NMNAT2: variants seen among roughly 807,000 people sequenced by gnomAD.
The protein encoded by NMNAT2 is nicotinamide nucleotide adenylyltransferase 2.
In NMNAT2, 11 loss-of-function variants were observed where a neutral mutation model predicts 41.6. That is an observed-to-expected ratio of 0.26 (90% CI 0.17 to 0.44). The LOEUF is 0.44. Among genes scored for constraint, NMNAT2 ranks in the 20% least tolerant of loss-of-function variants. The pLI is 1.00. For missense variants in NMNAT2, 288 were observed against 407.7 expected (o/e 0.71, Z 2.53); for synonymous variants, 148 against 151.2 (o/e 0.98, Z 0.16).
intron 1 of NMNAT2, among the ~76,000 whole-genome samples, chr1:183,411,553 T>C (rs978289149): frequency 2.6e-5 from 4 of 151,710 alleles, no homozygotes; most frequent in African/African-American, 7.3e-5. Context: ...ATCTGCTTGC[T>C]TCAGCCTCCC....
rs1270960626 is a variant in NMNAT2 at position 183,250,545 on chromosome 1, G to A, written c.*2096C>T. On this transcript the variant is annotated 3_prime_UTR_variant, in exon 11 of 11. Coordinates refer to ENST00000287713, the MANE Select transcript of NMNAT2 (RefSeq NM_015039.4). ...ATGGAGGGTGTGGTGTGACGGCCTA[G>A]GGGTCAGGGAAACAATATGTTCTTG... is the stretch of plus-strand genomic sequence containing the variant. 6.6e-6 allele frequency: 1 copy of A among 152,658 alleles called. No homozygotes were observed. The highest frequency in any genetic ancestry group is 1.5e-5 in the Non-Finnish European group (1 of 68,076). The allele number at this position is 152,658 out of a possible 1,614,324, so 9.5% of individuals were successfully genotyped here.
intron 1 of NMNAT2, among the ~76,000 whole-genome samples, chr1:183,354,360 G>C (rs1002878311): frequency 2.7e-5 from 4 of 149,130 alleles, no homozygotes; most frequent in Non-Finnish European, 5.9e-5. Context: ...CATCGTATCT[G>C]TCCTGCTGTT....
chr1:183,334,658 CA>C (rs1413530098), intron 1 of NMNAT2, among the ~76,000 whole-genome samples: 1 of 151,932 alleles, frequency 6.6e-6, no homozygotes, highest in Admixed American at 6.6e-5. Context: ...TACAGGCACC[CA>C]CCACCAAGCC....
intron 1 of NMNAT2, among the ~76,000 whole-genome samples, chr1:183,326,877 G>T (rs966066954): frequency 2.0e-5 from 3 of 152,068 alleles, no homozygotes; most frequent in African/African-American, 7.2e-5. Context: ...GTTAAAGAAG[G>T]GACTAGATAA....
chr1:183,287,955 G>T (rs748883693), intron 4 of NMNAT2, among the ~76,000 whole-genome samples: 2 of 152,130 alleles, frequency 1.3e-5, no homozygotes, highest in African/African-American at 4.8e-5. Flanking sequence ...ATAGGAGGAG[G>T]TCACATCTGA....
intron 1 of NMNAT2, among the ~76,000 whole-genome samples, chr1:183,341,687 AG>A (rs35490579): frequency 0.66 from 71,343 of 107,876 alleles, 24,201 homozygotes; most frequent in East Asian, 0.88. Context: ...AAAAAAAAAA[AG>A]AGAGAGAGAG....
At chr1:183,267,790 G>C (rs910981756) in intron 8 of NMNAT2, among the ~76,000 whole-genome samples, 1 of 152,084 alleles carries the variant, frequency 6.6e-6, no homozygotes, top group African/African-American at 2.4e-5. Flanking sequence ...CTTGGGGGTG[G>C]AGAGGTGGGG....
chr1:183,403,506 A>C (rs1324497161), intron 1 of NMNAT2, among the ~76,000 whole-genome samples: 1 of 148,212 alleles, frequency 6.7e-6, no homozygotes. Flanking sequence ...CACTCGGGAG[A>C]CTGTCCTTAC....
intron 1 of NMNAT2, among the ~76,000 whole-genome samples, chr1:183,301,530 C>A (rs992144709): frequency 2.6e-5 from 4 of 152,252 alleles, no homozygotes; most frequent in Non-Finnish European, 5.9e-5. Flanking sequence ...TAACATTAGA[C>A]ATGCAAGTCA....
intron 1 of NMNAT2, among the ~76,000 whole-genome samples, chr1:183,304,422 G>C (rs980509017): frequency 6.6e-6 from 1 of 152,188 alleles, no homozygotes; most frequent in African/African-American, 2.4e-5. Flanking sequence ...CCAAGGGGAT[G>C]ATAGGTTACC....
At chr1:183,314,351 G>A (rs562526489) in intron 1 of NMNAT2, among the ~76,000 whole-genome samples, 33 of 152,156 alleles carry the variant, frequency 2.2e-4, no homozygotes, top group African/African-American at 7.2e-4. Flanking sequence ...AATCCAACTT[G>A]CCATGCCACC....
intron 1 of NMNAT2, among the ~76,000 whole-genome samples, chr1:183,375,997 G>A (rs1295327440): frequency 1.2e-5 from 1 of 86,552 alleles, no homozygotes; most frequent in African/African-American, 3.8e-5. Flanking sequence ...CACTCAAAGT[G>A]GTCACTCACT....
At chr1:183,291,254 A>C (rs1184450641) in intron 3 of NMNAT2, among the ~76,000 whole-genome samples, 1 of 151,748 alleles carries the variant, frequency 6.6e-6, no homozygotes, top group Non-Finnish European at 1.5e-5. Flanking sequence ...CATCCCCTTA[A>C]CACCACCACC....
chr1:183,341,524 A>T (rs1023381455), intron 1 of NMNAT2, among the ~76,000 whole-genome samples: 1 of 13,562 alleles, frequency 7.4e-5, no homozygotes, highest in Non-Finnish European at 1.6e-4. Context: ...CAAAAAATGC[A>T]AAAAAAAAAA....
At chr1:183,380,488 C>T (rs1260636136) in intron 1 of NMNAT2, among the ~76,000 whole-genome samples, 2 of 151,996 alleles carry the variant, frequency 1.3e-5, no homozygotes, top group Non-Finnish European at 2.9e-5. Flanking sequence ...CATATAAAGG[C>T]AATTTTGAAA....
At chr1:183,397,988 A>G (rs939979456) in intron 1 of NMNAT2, among the ~76,000 whole-genome samples, 2 of 152,248 alleles carry the variant, frequency 1.3e-5, no homozygotes, top group African/African-American at 2.4e-5. Flanking sequence ...GATGCTAGGA[A>G]GAAACTGCAT....
chr1:183,319,588 A>C (rs1662319218), intron 1 of NMNAT2, among the ~76,000 whole-genome samples: 1 of 152,174 alleles, frequency 6.6e-6, no homozygotes. Context: ...TGCCATGGTG[A>C]CAGTGCCATC....
chr1:183,336,062 A>G (rs1212318135), intron 1 of NMNAT2, among the ~76,000 whole-genome samples: 1 of 152,224 alleles, frequency 6.6e-6, no homozygotes, highest in Non-Finnish European at 1.5e-5. Flanking sequence ...TTCTTCTCAT[A>G]CCAACTTTAT....
chr1:183,303,271 G>A (rs1661911059), intron 1 of NMNAT2, among the ~76,000 whole-genome samples: 2 of 152,176 alleles, frequency 1.3e-5, no homozygotes, highest in African/African-American at 2.4e-5. Flanking sequence ...GGAAGAATTA[G>A]GCCAAATTAG....
Sources: allele counts gnomAD v4.1 joint callset (sites outside exome capture counted in the v4.1 genomes callset), GRCh38; gene constraint gnomAD v4.1.1; transcripts MANE v1.5; gene names NCBI Gene and HGNC (gene_info 2026-07-23, HGNC 2026-07-21).